PRTG: variants seen among roughly 807,000 people sequenced by gnomAD.
PRTG encodes protogenin.
In PRTG, 67 loss-of-function variants were observed where a neutral mutation model predicts 122.5. That is an observed-to-expected ratio of 0.55 (90% CI 0.45 to 0.67). PRTG has a LOEUF of 0.67. PRTG is among the 30% of genes least tolerant of loss of function. The pLI is 0.00. For missense variants in PRTG, 1,435 were observed against 1,415.4 expected, an observed-to-expected ratio of 1.01 and a Z score of -0.22; for synonymous variants, 554 against 501.1, an observed-to-expected ratio of 1.11 and a Z score of -1.41.
chr15:55,702,498 C>T (rs1231756717), intron 2 of PRTG, among the ~76,000 whole-genome samples: 1 of 151,966 alleles, frequency 6.6e-6, no homozygotes, highest in African/African-American at 2.4e-5. Context: ...CAGTCATCAC[C>T]TCCTTCATCT....
chr15:55,625,610 G>A (rs2141713988), intron 17 of PRTG, among the ~76,000 whole-genome samples: 1 of 150,822 alleles, frequency 6.6e-6, no homozygotes, highest in African/African-American at 2.5e-5. Flanking sequence ...TGCCCACTAT[G>A]CTCAGCTAAT....
intron 13 of PRTG, 36 bp from the exon 14 acceptor site, chr15:55,638,712 A>G: frequency 6.3e-7 from 1 of 1,584,928 alleles, no homozygotes; most frequent in Non-Finnish European, 8.6e-7. Context: ...TAATGCTGGT[A>G]GTATAATATT....
intron 2 of PRTG, among the ~76,000 whole-genome samples, chr15:55,730,730 G>T (rs12912118): frequency 0.46 from 69,214 of 151,804 alleles, 18,171 homozygotes; most frequent in Middle Eastern, 0.62. Flanking sequence ...CACCCGGGAG[G>T]CGGAGCTTGC....
At position 55,639,692 on chromosome 15, in the gene PRTG, G is replaced by A. The variant is rs745548038; in HGVS notation, c.2274C>T (p.Arg758=). The change falls in exon 13 of 20, where the codon CGC becomes CGT. Residue 758 remains arginine, a synonymous_variant. Transcript: ENST00000389286. ...CATTCTGCAGGCCAACAGGATTACA[G>A]CGGATGGTGTAGTTAATGATTTGTG... ...TAAQIINYTI[R]CNPVGLQNAS... 1.9e-6 allele frequency: 3 copies of A among 1,614,034 alleles called. No individual in the cohort carries two copies. Among genetic ancestry groups the A allele is most frequent in the African/African-American group, 2.7e-5 (2 of 74,920 alleles).
chr15:55,732,386 T>C (rs867934525), intron 2 of PRTG, among the ~76,000 whole-genome samples: 5 of 151,568 alleles, frequency 3.3e-5, no homozygotes, highest in Non-Finnish European at 2.9e-5. Context: ...TGTTTCACCA[T>C]GTTGGCCAGG....
chr15:55,621,810 C>CAAA (rs1364561425), intron 18 of PRTG, among the ~76,000 whole-genome samples: 1 of 151,886 alleles, frequency 6.6e-6, no homozygotes, highest in Non-Finnish European at 1.5e-5. Flanking sequence ...CTATATATTC[C>CAAA]AAAACTTATT....
chr15:55,715,200 G>A (rs893198506), intron 2 of PRTG, among the ~76,000 whole-genome samples: 1 of 152,148 alleles, frequency 6.6e-6, no homozygotes, highest in Non-Finnish European at 1.5e-5. Context: ...AAAGACCTCA[G>A]TGCCAAAGCT....
chr15:55,743,054 C>T lies in PRTG; in HGVS notation c.-123G>A, dbSNP rs2031672172. The stretch of plus-strand genomic sequence containing the variant: ...GCAGCCTGGCTCCCCGCTCCGGCTC[C>T]GGCACCGGCGTGGCGAGCGTCTCTG... On this transcript the variant is annotated 5_prime_UTR_variant, in exon 1 of 20. Transcript: ENST00000389286. 5 of 1,306,260 alleles carry T rather than the reference C, an allele frequency of 3.8e-6. No homozygotes were observed. The highest frequency in any genetic ancestry group is 3.1e-5 in the African/African-American group (2 of 64,344). The allele number at this position is 1,306,260 out of a possible 1,614,324, so 80.9% of individuals were successfully genotyped here. A position where few individuals can be genotyped will look rare whatever the true frequency, so the allele number is the denominator to read the frequency against.
At chr15:55,628,192 T>C (rs748989190) in intron 16 of PRTG, among the ~76,000 whole-genome samples, 10 of 152,114 alleles carry the variant, frequency 6.6e-5, no homozygotes, top group Non-Finnish European at 1.5e-4. Flanking sequence ...TGAGTTCAGC[T>C]GGCATTTCCT....
At chr15:55,626,878 C>G in intron 17 of PRTG, 130 bp downstream of exon 17, 2 of 668,332 alleles carry the variant, frequency 3.0e-6, no homozygotes, top group Non-Finnish European at 4.6e-6. Context: ...ACTCAGGGAA[C>G]AATACTGCAC....
At chr15:55,649,028 C>G (rs1305075862) in intron 11 of PRTG, among the ~76,000 whole-genome samples, 3 of 150,142 alleles carry the variant, frequency 2.0e-5, no homozygotes, top group Non-Finnish European at 4.4e-5. Context: ...ACCCAGGAGG[C>G]GGAGGTTGCA....
At chr15:55,634,112 G>C (rs2059243275) in intron 15 of PRTG, among the ~76,000 whole-genome samples, 1 of 141,546 alleles carries the variant, frequency 7.1e-6, no homozygotes, top group South Asian at 2.3e-4. Context: ...TTGTTGACCA[G>C]GCTGGAGTGC....
intron 2 of PRTG, among the ~76,000 whole-genome samples, chr15:55,696,071 A>G: frequency 6.6e-6 from 1 of 152,020 alleles, no homozygotes; most frequent in East Asian, 1.9e-4. Context: ...GGAGTTTGAG[A>G]CCAGCCTGGG....
chr15:55,630,009 C>A (rs1279369235), intron 15 of PRTG, among the ~76,000 whole-genome samples: 1 of 139,264 alleles, frequency 7.2e-6, no homozygotes, highest in Non-Finnish European at 1.5e-5. Flanking sequence ...TTTTTTGAGA[C>A]GGAGTCTCAC....
intron 11 of PRTG, among the ~76,000 whole-genome samples, chr15:55,656,897 G>A (rs962337616): frequency 1.3e-5 from 2 of 152,194 alleles, no homozygotes; most frequent in Admixed American, 6.5e-5. Context: ...TTGATCACTT[G>A]TTTGACACTG....
intron 17 of PRTG, among the ~76,000 whole-genome samples, chr15:55,626,126 G>A (rs2059193247): frequency 6.6e-6 from 1 of 152,130 alleles, no homozygotes; most frequent in South Asian, 2.1e-4. Context: ...AAGAAAATGA[G>A]GATACTAGGC....
chr15:55,652,789 G>A (rs907892081), intron 11 of PRTG, among the ~76,000 whole-genome samples: 1 of 152,114 alleles, frequency 6.6e-6, no homozygotes, highest in African/African-American at 2.4e-5. Context: ...TTTTCCAAAT[G>A]TAAGACTACA....
In PRTG at chr15:55,673,687, A is replaced by T; in HGVS notation, c.1547-11T>A. The T allele has an allele frequency of 1.9e-6, 3 of 1,606,728 alleles. No homozygotes were observed. The highest frequency in any genetic ancestry group is 2.6e-6 in the Non-Finnish European group (3 of 1,174,050). On this transcript the variant is annotated splice_polypyrimidine_tract_variant and intron_variant, in intron 9 of 19. Coordinates refer to ENST00000389286, the MANE Select transcript of PRTG (RefSeq NM_173814.6). ...GAGGTCTCAGGGGAACTAGTCATAG[A>T]AGAAATCAGGTTGTTTATAAATATT... is the stretch of plus-strand genomic sequence containing the variant.
At chr15:55,686,544 A>G (rs1362176938) in intron 2 of PRTG, among the ~76,000 whole-genome samples, 1 of 152,072 alleles carries the variant, frequency 6.6e-6, no homozygotes, top group African/African-American at 2.4e-5. Context: ...ACTTCTCTTC[A>G]TCCCTAACAG....
Sources: gnomAD v4.1 joint callset for allele counts (sites outside exome capture counted in the v4.1 genomes callset) on GRCh38, gnomAD v4.1.1 for gene constraint, MANE v1.5 for transcripts, NCBI Gene and HGNC (gene_info 2026-07-23, HGNC 2026-07-21) for gene names.